The following TDP1 variants were observed in gnomAD, a reference collection of about 807,000 sequenced individuals.
TDP1 encodes the protein tyrosyl-DNA phosphodiesterase 1.
In TDP1, 64 loss-of-function variants were observed where a neutral mutation model predicts 81.5. That is an observed-to-expected ratio of 0.79 (90% CI 0.64 to 0.97). The LOEUF (loss-of-function observed/expected upper bound fraction) is 0.97, where lower values mean the gene tolerates loss of function less well. TDP1 is among the 50% of genes least tolerant of loss of function. The pLI, the probability that TDP1 is intolerant of heterozygous loss-of-function variation, is 0.00. For missense variants in TDP1, 723 were observed against 743.8 expected, an observed-to-expected ratio of 0.97 and a Z score of 0.33; for synonymous variants, 256 against 264.3, an observed-to-expected ratio of 0.97 and a Z score of 0.30.
chr14:89,962,151 T>G (rs181451938), intron 2 of TDP1, among the ~76,000 whole-genome samples: 3 of 152,346 alleles, frequency 2.0e-5, no homozygotes, highest in African/African-American at 7.2e-5. Context: ...AAGTTATTTC[T>G]GTGTAGGTGT....
At chr14:90,006,912 T>C (rs1160172170) in intron 14 of TDP1, among the ~76,000 whole-genome samples, 2 of 152,054 alleles carry the variant, frequency 1.3e-5, no homozygotes, top group African/African-American at 4.8e-5. Context: ...GTTGAACTCC[T>C]GAGCTCAAAA....
At chr14:89,993,969 T>C (rs575564859) in intron 14 of TDP1, among the ~76,000 whole-genome samples, 85 of 152,284 alleles carry the variant, frequency 5.6e-4, no homozygotes, top group African/African-American at 2.0e-3. Flanking sequence ...AGTCACAGAA[T>C]TATGTAACCA....
chr14:89,961,137 A>G (rs1892277392), intron 2 of TDP1, among the ~76,000 whole-genome samples: 1 of 152,190 alleles, frequency 6.6e-6, no homozygotes, highest in African/African-American at 2.4e-5. Flanking sequence ...TAATGAGCAA[A>G]CGTGTGTTTT....
chr14:89,998,915 G>A (rs971844927), intron 14 of TDP1, among the ~76,000 whole-genome samples: 28 of 152,136 alleles, frequency 1.8e-4, no homozygotes, highest in African/African-American at 6.5e-4. Context: ...GTTGCCTGAG[G>A]CCTTATTAGT....
rs111375931 is a variant in TDP1 at position 90,024,589 on chromosome 14, A to AGT, written c.1644+5172_1644+5173dup. Among the ~76,000 whole-genome samples, 304 of 152,342 alleles carry AGT rather than the reference A, an allele frequency of 2.0e-3. 1 individual carries two copies. Among genetic ancestry groups the AGT allele is most frequent in the African/African-American group, 7.0e-3 (289 of 41,566 alleles). ...TTTTGGTCCAGTGGGTATTGTGTGC[A>AGT]GTAGGTGCTTAAATATGTTCACAAA... On this transcript the variant is annotated intron_variant, in intron 15 of 16. Transcript: ENST00000335725.
chr14:89,989,080 C>G lies in TDP1; in HGVS notation c.1307C>G (p.Pro436Arg), dbSNP rs1440925408. Reference protein sequence around the residue: ...ESKTPGKSSVPLYLIYPSVEN... With the variant: ...ESKTPGKSSVRLYLIYPSVEN... ...AAGACTCCAGGAAAAAGCTCTGTTC[C>G]TCTTTACTTGGTGAGTTCTCGTCCT... Residue 436 changes from proline to arginine, a missense_variant, in exon 11 of 17, where the codon CCT (proline) becomes CGT (arginine). Pro to Arg is a moderately radical substitution (Grantham distance 103). Transcript: ENST00000335725. The G allele has an allele frequency of 6.2e-7, 1 of 1,613,860 alleles. No individual in the cohort carries two copies. The highest frequency in any genetic ancestry group is 8.5e-7 in the Non-Finnish European group (1 of 1,179,868).
At chr14:89,992,007 G>A (rs1325202869) in intron 13 of TDP1, 24 bp downstream of exon 13, 5 of 1,597,596 alleles carry the variant, frequency 3.1e-6, no homozygotes, top group Admixed American at 1.7e-5. Flanking sequence ...TTAGACTGCT[G>A]CTATTGCTTC....
intron 2 of TDP1, among the ~76,000 whole-genome samples, chr14:89,961,062 T>TA (rs1322294865): frequency 6.6e-5 from 10 of 152,110 alleles, no homozygotes; most frequent in African/African-American, 2.2e-4. Flanking sequence ...GTTGGCCAAG[T>TA]ATAGTATTCA....
rs56740377 is a variant in TDP1 at position 89,998,402 on chromosome 14, A to G, written c.1541+4919A>G. ...TATATATATATATATATATATATAT[A>G]TATATATATATATATATATATGTAT... is the stretch of plus-strand genomic sequence containing the variant. On this transcript the variant is annotated intron_variant, in intron 14 of 16. Coordinates refer to ENST00000335725, the MANE Select transcript of TDP1 (RefSeq NM_018319.4). Among the ~76,000 whole-genome samples the G allele has an allele frequency of 2.3e-4, 27 of 115,200 alleles. 2 individuals are homozygous for G. The highest frequency in any genetic ancestry group is 1.1e-3 in the African/African-American group (24 of 22,310). The allele number at this position is 115,200 out of a possible 152,430, so 75.6% of individuals were successfully genotyped here.
At chr14:89,999,739 G>A (rs1227910075) in intron 14 of TDP1, among the ~76,000 whole-genome samples, 1 of 152,186 alleles carries the variant, frequency 6.6e-6, no homozygotes, top group Non-Finnish European at 1.5e-5. Flanking sequence ...GAAAGTAGGT[G>A]CTTTGGCCAA....
intron 15 of TDP1, among the ~76,000 whole-genome samples, chr14:90,031,955 T>C (rs968816713): frequency 8.5e-5 from 13 of 152,196 alleles, no homozygotes; most frequent in African/African-American, 1.7e-4. Flanking sequence ...TTAGCACAAA[T>C]AGTAATTTTT....
chr14:90,031,348 A>AACACAGTTCCTC (rs1887265743), intron 15 of TDP1, among the ~76,000 whole-genome samples: 1 of 145,634 alleles, frequency 6.9e-6, no homozygotes, highest in African/African-American at 2.5e-5. Context: ...TATGAGTGAG[A>AACACAGTTCCTC]ATATGCGGAC....
rs930330995 is a variant in TDP1, at chr14:89,983,259, C to G, written c.885-1257C>G. ...CGGAGGCAAAGGCCCAGAGAGATCACAGAGCTTACCCAAAATGGTATAGTC... is the reference window on the plus strand; with the variant it reads ...CGGAGGCAAAGGCCCAGAGAGATCAGAGAGCTTACCCAAAATGGTATAGTC... On this transcript the variant is annotated intron_variant, in intron 8 of 16. Coordinates refer to ENST00000335725, the MANE Select transcript of TDP1 (RefSeq NM_018319.4). The G allele has an allele frequency of 6.5e-5, 26 of 402,806 alleles. No homozygotes were observed. The Admixed American group carries it at 6.8e-4, about 10-fold the overall frequency. The allele number at this position is 402,806 out of a possible 1,614,324, so 25.0% of individuals were successfully genotyped here. A position where few individuals can be genotyped will look rare whatever the true frequency, so the allele number is the denominator to read the frequency against.
At chr14:90,016,600 C>T (rs1885340239) in intron 14 of TDP1, among the ~76,000 whole-genome samples, 1 of 152,236 alleles carries the variant, frequency 6.6e-6, no homozygotes, top group African/African-American at 2.4e-5. Context: ...CACTTTATGC[C>T]TGTCCTCCTC....
At chr14:90,001,409 C>T (rs1897178183) in intron 14 of TDP1, among the ~76,000 whole-genome samples, 1 of 152,096 alleles carries the variant, frequency 6.6e-6, no homozygotes, top group Non-Finnish European at 1.5e-5. Context: ...AAATCTGCAC[C>T]AAAACCTTTT....
At chr14:90,024,497 T>G (rs1886430659) in intron 15 of TDP1, among the ~76,000 whole-genome samples, 1 of 152,194 alleles carries the variant, frequency 6.6e-6, no homozygotes, top group Non-Finnish European at 1.5e-5. Context: ...TTAGTTGAAG[T>G]TGTTTCCTTT....
chr14:89,964,394 T>A (rs893106673), intron 3 of TDP1, among the ~76,000 whole-genome samples: 1 of 152,218 alleles, frequency 6.6e-6, no homozygotes, highest in African/African-American at 2.4e-5. Flanking sequence ...GGACCTAACA[T>A]TCTCTGAATT....
intron 6 of TDP1, among the ~76,000 whole-genome samples, chr14:89,975,168 T>C (rs8015261): frequency 0.088 from 13,426 of 152,222 alleles, 1,483 homozygotes; most frequent in African/African-American, 0.26. Context: ...CTCTGCCTCC[T>C]GGGTTCACGC....
chr14:89,987,379 T>C (rs1895683232), intron 10 of TDP1, among the ~76,000 whole-genome samples: 1 of 152,098 alleles, frequency 6.6e-6, no homozygotes. Flanking sequence ...AGTGATGATA[T>C]AAAGAAAGTG....
Sources: allele counts gnomAD v4.1 joint callset (sites outside exome capture counted in the v4.1 genomes callset), GRCh38; gene constraint gnomAD v4.1.1; transcripts MANE v1.5; gene names NCBI Gene and HGNC (gene_info 2026-07-23, HGNC 2026-07-21).